Variants in NIM1K observed in about 807,000 individuals in gnomAD.
NIM1K encodes the protein serine/threonine-protein kinase NIM1.
A neutral mutation model predicts 37.1 loss-of-function variants in NIM1K; 35 were observed. The observed-to-expected ratio is 0.94, with a 90% CI of 0.72 to 1.25. The LOEUF (loss-of-function observed/expected upper bound fraction) is 1.25, where lower values mean the gene tolerates loss of function less well. Ranked by LOEUF, NIM1K falls within the 50% of genes most tolerant of loss-of-function variation. NIM1K has a pLI of 0.00. For missense variants in NIM1K, 564 were observed against 548.0 expected (o/e 1.03, Z -0.29); for synonymous variants, 234 against 206.6 (o/e 1.13, Z -1.14).
intron 1 of NIM1K, among the ~76,000 whole-genome samples, chr5:43,198,189 TTC>T (rs746702328): frequency 1.1e-4 from 6 of 56,798 alleles, no homozygotes; most frequent in East Asian, 5.6e-4. Context: ...CTTTCTTTCT[TTC>T]TTTCTTTCTT....
At chr5:43,234,586 G>A (rs184692448) in intron 1 of NIM1K, among the ~76,000 whole-genome samples, 1 of 152,050 alleles carries the variant, frequency 6.6e-6, no homozygotes, top group Non-Finnish European at 1.5e-5. Flanking sequence ...GTCAGGAGTT[G>A]AAGACCAGCC....
intron 1 of NIM1K, among the ~76,000 whole-genome samples, chr5:43,204,144 G>A (rs1415841485): frequency 1.5e-5 from 2 of 134,304 alleles, no homozygotes; most frequent in African/African-American, 5.5e-5. Flanking sequence ...GAGTGCAGTG[G>A]CTCGATCTCA....
At chr5:43,279,039 T>C (rs1753397188) in intron 3 of NIM1K, among the ~76,000 whole-genome samples, 1 of 152,144 alleles carries the variant, frequency 6.6e-6, no homozygotes, top group Non-Finnish European at 1.5e-5. Flanking sequence ...CAGAAGAGAA[T>C]CCAGCAATAG....
chr5:43,214,074 G>T (rs1211323095), intron 1 of NIM1K, among the ~76,000 whole-genome samples: 1 of 151,288 alleles, frequency 6.6e-6, no homozygotes, highest in Non-Finnish European at 1.5e-5. Context: ...CAAAGTGCTG[G>T]CATTACAGGC....
intron 2 of NIM1K, among the ~76,000 whole-genome samples, chr5:43,265,495 T>G (rs1475968469): frequency 6.6e-6 from 1 of 152,182 alleles, no homozygotes; most frequent in Non-Finnish European, 1.5e-5. Context: ...TCTCTATGCT[T>G]TTTATTCTAG....
intron 2 of NIM1K, among the ~76,000 whole-genome samples, chr5:43,258,425 T>C (rs1314641032): frequency 2.6e-5 from 4 of 151,990 alleles, no homozygotes; most frequent in African/African-American, 9.7e-5. Flanking sequence ...AACATTCTAG[T>C]ACAAGCGTTT....
intron 1 of NIM1K, among the ~76,000 whole-genome samples, chr5:43,217,497 C>T (rs952034971): frequency 6.8e-6 from 1 of 147,588 alleles, no homozygotes; most frequent in African/African-American, 2.5e-5. Flanking sequence ...CACCATATTA[C>T]GTTCCAACCA....
chr5:43,252,259 C>T (rs1393000455), intron 2 of NIM1K, among the ~76,000 whole-genome samples: 2 of 152,206 alleles, frequency 1.3e-5, no homozygotes, highest in African/African-American at 4.8e-5. Flanking sequence ...CATTTTCCCA[C>T]TGTGTGGGTG....
intron 1 of NIM1K, among the ~76,000 whole-genome samples, chr5:43,210,009 T>C (rs1045294939): frequency 2.0e-5 from 3 of 152,158 alleles, no homozygotes; most frequent in Admixed American, 2.0e-4. Flanking sequence ...ATGAGTAAGA[T>C]TGAGGACTTG....
chr5:43,224,574 G>A (rs1752426422), intron 1 of NIM1K, among the ~76,000 whole-genome samples: 1 of 152,004 alleles, frequency 6.6e-6, no homozygotes, highest in Non-Finnish European at 1.5e-5. Flanking sequence ...CTAAAAGGAA[G>A]AAGCTGAGAC....
chr5:43,256,271 G>A (rs10941614), intron 2 of NIM1K, among the ~76,000 whole-genome samples: 119,514 of 144,258 alleles, frequency 0.83, 47,395 homozygotes, highest in East Asian at 0.98. Context: ...GGCAAGAGAT[G>A]AAGGTGGTTT....
chr5:43,207,967 A>G (rs1752141931), intron 1 of NIM1K, among the ~76,000 whole-genome samples: 1 of 152,180 alleles, frequency 6.6e-6, no homozygotes, highest in Non-Finnish European at 1.5e-5. Flanking sequence ...CAAATGGAAA[A>G]TCTGTATTTT....
chr5:43,241,618 G>A (rs1040760601), intron 1 of NIM1K, among the ~76,000 whole-genome samples: 1 of 151,992 alleles, frequency 6.6e-6, no homozygotes, highest in African/African-American at 2.4e-5. Flanking sequence ...GATTACAGGA[G>A]TGAGCCACCG....
intron 1 of NIM1K, among the ~76,000 whole-genome samples, chr5:43,233,651 T>TTC (rs1752575216): frequency 6.6e-6 from 1 of 152,222 alleles, no homozygotes; most frequent in African/African-American, 2.4e-5. Flanking sequence ...CCCTCAAGTG[T>TTC]TCTCTGCTTC....
chr5:43,260,948 T>C (rs980378231), intron 2 of NIM1K, among the ~76,000 whole-genome samples: 2 of 152,234 alleles, frequency 1.3e-5, no homozygotes, highest in Non-Finnish European at 2.9e-5. Context: ...ACTCATCCTT[T>C]TTTATGACTG....
intron 1 of NIM1K, among the ~76,000 whole-genome samples, chr5:43,234,824 A>G (rs973660441): frequency 6.6e-6 from 1 of 151,760 alleles, no homozygotes; most frequent in African/African-American, 2.4e-5. Flanking sequence ...TGGTAGAGGC[A>G]GGGTTTCACC....
At chr5:43,216,694 T>C (rs181891052) in intron 1 of NIM1K, among the ~76,000 whole-genome samples, 9 of 152,326 alleles carry the variant, frequency 5.9e-5, no homozygotes, top group Admixed American at 3.3e-4. Context: ...TAAGTCTTTA[T>C]ATTTTGGACA....
intron 2 of NIM1K, among the ~76,000 whole-genome samples, chr5:43,270,244 T>G (rs551012671): frequency 6.6e-6 from 1 of 152,236 alleles, no homozygotes; most frequent in Admixed American, 6.5e-5. Flanking sequence ...CATAAATGTG[T>G]GATGATGGAA....
In NIM1K at chr5:43,277,043, T is replaced by C. The variant is rs759332381; in HGVS notation, c.293-14T>C. On this transcript the variant is annotated splice_polypyrimidine_tract_variant and intron_variant, in intron 2 of 3. Transcript: ENST00000326035. ...TGTGAATTCTGGCACAATTTTTACT[T>C]TTTTTCCTTGCAGAAAAGGTGGCCA... 1 of 1,612,158 alleles carries C rather than the reference T, an allele frequency of 6.2e-7. No homozygotes were observed. Among genetic ancestry groups the C allele is most frequent in the South Asian group, 1.1e-5 (1 of 90,750 alleles).
Sources: gnomAD v4.1 joint callset for allele counts (sites outside exome capture counted in the v4.1 genomes callset) on GRCh38, gnomAD v4.1.1 for gene constraint, MANE v1.5 for transcripts, NCBI Gene and HGNC (gene_info 2026-07-23, HGNC 2026-07-21) for gene names.